The following MROH9 variants were observed in gnomAD, a reference collection of about 807,000 sequenced individuals.
MROH9 encodes the protein maestro heat like repeat family member 9.
A neutral mutation model predicts 98.2 loss-of-function variants in MROH9; 92 were observed. The ratio of observed to expected loss-of-function variants is 0.94; its 90% CI spans 0.79 to 1.11. The LOEUF is 1.11. MROH9 is among the 50% of genes most tolerant of loss of function. MROH9 has a pLI of 0.00. For missense variants in MROH9, 1,057 were observed against 1,014.8 expected (o/e 1.04, Z -0.57); for synonymous variants, 397 against 368.9 (o/e 1.08, Z -0.87).
chr1:170,944,663 A>G lies in MROH9; in HGVS notation c.-37-857A>G, dbSNP rs115077027. ...ACAAACTTGAATTTCAGGCTTTAAA[A>G]TAAGCTTTGAGGCAGTAAAGGTGAT... is the stretch of plus-strand genomic sequence containing the variant. On this transcript the variant is annotated intron_variant, in intron 1 of 21. Coordinates refer to ENST00000367759, the MANE Select transcript of MROH9 (RefSeq NM_001163629.2). 6.8e-3 allele frequency among the ~76,000 whole-genome samples: 1,033 copies of G among 152,244 alleles called. 11 individuals carry two copies. Among genetic ancestry groups the G allele is most frequent in the African/African-American group, 0.023 (948 of 41,562 alleles).
At chr1:170,948,317 A>G (rs967115804) in intron 3 of MROH9, among the ~76,000 whole-genome samples, 1 of 152,000 alleles carries the variant, frequency 6.6e-6, no homozygotes, top group Non-Finnish European at 1.5e-5. Context: ...ACTTTTATAG[A>G]TTTTGTTCAT....
At chr1:171,014,750 C>T (rs1239500712) in intron 16 of MROH9, among the ~76,000 whole-genome samples, 1 of 152,196 alleles carries the variant, frequency 6.6e-6, no homozygotes, top group Non-Finnish European at 1.5e-5. Context: ...CTCTCAGAGC[C>T]ATATCAGTTA....
Position 170,986,709 on chromosome 1 carries a change from T to C in MROH9, c.878T>C (p.Met293Thr), listed in dbSNP as rs756836360. 7 of 1,613,430 alleles carry C rather than the reference T, an allele frequency of 4.3e-6. No homozygotes were observed. Among genetic ancestry groups the C allele is most frequent in the South Asian group, 3.3e-5 (3 of 91,008 alleles). The change falls in exon 10 of 22, where the codon ATG becomes ACG. Residue 293 changes from methionine (M) to threonine (T), a missense_variant and splice_region_variant. Physicochemically the swap from Met to Thr is moderately conservative, Grantham distance 81. Transcript: ENST00000367759. ...GAATTTCATGCCGAGAAGGTCACCA[T>C]GGTAAGATACTTGACAATAAGCAGG... ...TLEFHAEKVT[M>T]VSKIVDAIYR...
At chr1:170,937,486 T>C (rs1648933088) in intron 1 of MROH9, among the ~76,000 whole-genome samples, 1 of 151,904 alleles carries the variant, frequency 6.6e-6, no homozygotes, top group Non-Finnish European at 1.5e-5. Context: ...AGTCTTCATT[T>C]CTGCACTGAT....
At chr1:171,041,007 G>T (rs1314558415) in intron 20 of MROH9, among the ~76,000 whole-genome samples, 1 of 152,010 alleles carries the variant, frequency 6.6e-6, no homozygotes, top group East Asian at 1.9e-4. Flanking sequence ...TAGATTTAGG[G>T]ATACAAGTAC....
At chr1:171,032,575 A>G (rs923775755) in intron 20 of MROH9, among the ~76,000 whole-genome samples, 52 of 152,044 alleles carry the variant, frequency 3.4e-4, no homozygotes, top group African/African-American at 1.2e-3. Context: ...TGCAGGCCCT[A>G]CTCATCTGAT....
chr1:171,014,125 T>G lies in MROH9; in HGVS notation c.1605T>G (p.Asn535Lys), dbSNP rs759312767. The change falls in exon 16 of 22, where the codon AAT (asparagine) becomes AAG (lysine). Residue 535 changes from asparagine to lysine, a missense_variant. Coordinates refer to ENST00000367759, the MANE Select transcript of MROH9 (RefSeq NM_001163629.2). The stretch of plus-strand genomic sequence containing the variant: ...TAACTATTTTCTTTCAGCTTCTGAA[T>G]AACTTCTTCAAGGACCCTTTACCAG... Reference protein sequence around the residue: ...IVLIFLTELLNNFFKDPLPEE... With the variant: ...IVLIFLTELLKNFFKDPLPEE... 85 of 1,550,144 alleles carry G rather than the reference T, an allele frequency of 5.5e-5. No individual in the cohort carries two copies. The South Asian group carries it at 8.0e-4, about 15-fold the overall frequency.
At chr1:170,955,939 A>G (rs1475781453) in intron 3 of MROH9, among the ~76,000 whole-genome samples, 2 of 152,198 alleles carry the variant, frequency 1.3e-5, no homozygotes, top group African/African-American at 4.8e-5. Flanking sequence ...TAGAATTTTT[A>G]TAGTTTCAGG....
intron 20 of MROH9, among the ~76,000 whole-genome samples, chr1:171,038,942 A>T (rs986688459): frequency 3.3e-5 from 5 of 152,140 alleles, no homozygotes; most frequent in African/African-American, 1.2e-4. Flanking sequence ...AGAAAAAAAA[A>T]AGGAAGATGA....
At chr1:171,013,604 T>G (rs908764238) in intron 15 of MROH9, among the ~76,000 whole-genome samples, 2 of 152,144 alleles carry the variant, frequency 1.3e-5, no homozygotes, top group African/African-American at 4.8e-5. Flanking sequence ...CTGACTAAAA[T>G]TAGAAACTCT....
At chr1:170,998,386 G>C (rs1651664011) in intron 15 of MROH9, 112 bp downstream of exon 15, 4 of 1,610,112 alleles carry the variant, frequency 2.5e-6, no homozygotes, top group Non-Finnish European at 3.4e-6. Flanking sequence ...TTCTTACCAA[G>C]ACTTAAGATC....
chr1:171,023,329 C>T (rs565026280), intron 17 of MROH9, among the ~76,000 whole-genome samples: 12 of 152,258 alleles, frequency 7.9e-5, no homozygotes, highest in African/African-American at 2.9e-4. Flanking sequence ...CATAAGTAGC[C>T]TTTGAAAACC....
At position 171,064,125 on chromosome 1, in the gene MROH9, G is replaced by T. The variant is rs1654097177; in HGVS notation, c.2371G>T (p.Asp791Tyr). The T allele has an allele frequency of 6.5e-7, 1 of 1,545,270 alleles. No homozygotes were observed. Among genetic ancestry groups the T allele is most frequent in the Non-Finnish European group, 8.7e-7 (1 of 1,145,492 alleles). Residue 791 changes from aspartate to tyrosine, a missense_variant, in exon 22 of 22, where the codon GAC becomes TAC. By Grantham distance (160) the Asp-to-Tyr change is radical. Transcript: ENST00000367759. ...DVIERLLRDE[D>Y]PMIKQLAEIT... ...TATTGAACGACTGCTCCGAGATGAA[G>T]ACCCTATGATCAAACAGTTGGCTGA...
intron 1 of MROH9, among the ~76,000 whole-genome samples, chr1:170,941,597 C>T (rs1368285932): frequency 2.0e-5 from 3 of 152,192 alleles, no homozygotes; most frequent in Admixed American, 6.5e-5. Flanking sequence ...GGCAACTGCA[C>T]TCATCTTTCC....
chr1:170,972,397 A>G (rs531080626), intron 8 of MROH9, among the ~76,000 whole-genome samples: 3 of 152,354 alleles, frequency 2.0e-5, no homozygotes, highest in Middle Eastern at 6.8e-3. Flanking sequence ...GAATATTTGT[A>G]TATTTGTAAG....
At chr1:170,958,384 G>T (rs187311513) in intron 3 of MROH9, 77 bp from the exon 4 acceptor site, 7 of 789,832 alleles carry the variant, frequency 8.9e-6, no homozygotes, top group Non-Finnish European at 1.4e-5. Context: ...AGGAAGAAGT[G>T]CACATGCTAT....
At chr1:170,950,656 C>T (rs544191359) in intron 3 of MROH9, among the ~76,000 whole-genome samples, 2 of 152,212 alleles carry the variant, frequency 1.3e-5, no homozygotes, top group Non-Finnish European at 2.9e-5. Context: ...CGCTTTTGTA[C>T]TGTACTGCAC....
At chr1:170,972,671 G>A (rs945041882) in intron 8 of MROH9, among the ~76,000 whole-genome samples, 2 of 151,816 alleles carry the variant, frequency 1.3e-5, no homozygotes, top group Admixed American at 6.6e-5. Flanking sequence ...AATAAGCCGG[G>A]TGTGGTGGCA....
At chr1:171,033,674 T>G (rs1203383811) in intron 20 of MROH9, among the ~76,000 whole-genome samples, 1 of 152,224 alleles carries the variant, frequency 6.6e-6, no homozygotes, top group Non-Finnish European at 1.5e-5. Flanking sequence ...TTGTTTGTTT[T>G]GTTTTGTTTT....
Sources: allele counts gnomAD v4.1 joint callset (sites outside exome capture counted in the v4.1 genomes callset), GRCh38; gene constraint gnomAD v4.1.1; transcripts MANE v1.5; gene names NCBI Gene and HGNC (gene_info 2026-07-23, HGNC 2026-07-21).